The following WWP1 variants were observed in gnomAD, a reference collection of about 807,000 sequenced individuals.
WWP1 encodes WW domain containing E3 ubiquitin protein ligase 1, also known as NEDD4-like E3 ubiquitin-protein ligase WWP1.
WWP1 carries 49 observed loss-of-function variants against 130.6 expected under a neutral mutation model. The observed-to-expected ratio is 0.38, with a 90% CI of 0.30 to 0.48. The LOEUF (loss-of-function observed/expected upper bound fraction) is 0.48. Ranked by LOEUF, WWP1 falls within the 20% of genes least tolerant of loss-of-function variation. WWP1 has a pLI of 0.99. For missense variants in WWP1, 809 were observed against 1,100.6 expected, an observed-to-expected ratio of 0.74 and a Z score of 3.75; for synonymous variants, 332 against 367.8, an observed-to-expected ratio of 0.90 and a Z score of 1.11.
intron 16 of WWP1, 35 bp downstream of exon 16, chr8:86,435,739 G>A: frequency 6.3e-7 from 1 of 1,597,460 alleles, no homozygotes; most frequent in East Asian, 2.2e-5. Context: ...AACACCATTT[G>A]TCTCATTGTA....
chr8:86,427,622 A>G, intron 10 of WWP1, 21 bp from the exon 11 acceptor site: 1 of 1,573,730 alleles, frequency 6.4e-7, no homozygotes, highest in Non-Finnish European at 8.6e-7. Flanking sequence ...ATTATTGTTT[A>G]TTATTGTTTA....
Position 86,430,829 on chromosome 8 carries a change from A to ATATATAAATATATG in WWP1, c.1387+81_1387+82insATAAATATATGTAT, listed in dbSNP as rs1281641543. On this transcript the variant is annotated intron_variant, in intron 12 of 24. Transcript: ENST00000517970. ...TATATATATATATATATATATATATATATGTTCCTTATTTTATATATATAT... is the reference window on the plus strand; with the variant it reads ...TATATATATATATATATATATATATATATATAAATATATGTATGTTCCTTATTTTATATATATAT... 5.6e-6 allele frequency: 3 copies of ATATATAAATATATG among 534,146 alleles called. 1 individual carries two copies. The African/African-American group carries it at 7.0e-5, about 12-fold the overall frequency. 33.1% of individuals were successfully genotyped at this position (534,146 alleles called of 1,614,324 possible).
At chr8:86,399,548 G>A (rs1051171395) in intron 7 of WWP1, among the ~76,000 whole-genome samples, 4 of 152,120 alleles carry the variant, frequency 2.6e-5, no homozygotes, top group Admixed American at 2.0e-4. Flanking sequence ...TACTAGTATC[G>A]TTTCTTCTAA....
In WWP1 at chr8:86,398,489, C is replaced by T; in HGVS notation, c.472+10C>T. On this transcript the variant is annotated intron_variant, in intron 6 of 24. Transcript: ENST00000517970. Reference sequence around the variant, plus strand: ...AGCTCATCTCCAACCAGTAAGCTAACTTTATATGTTTGTAAAATTTCAAGG... The same window carrying T: ...AGCTCATCTCCAACCAGTAAGCTAATTTTATATGTTTGTAAAATTTCAAGG... 6.2e-7 allele frequency: 1 copy of T among 1,610,056 alleles called. No individual in the cohort carries two copies. The highest frequency in any genetic ancestry group is 8.5e-7 in the Non-Finnish European group (1 of 1,178,662).
At chr8:86,408,127 A>G (rs1054190692) in intron 8 of WWP1, among the ~76,000 whole-genome samples, 2 of 152,148 alleles carry the variant, frequency 1.3e-5, no homozygotes, top group South Asian at 2.1e-4. Context: ...AGGATGCTAC[A>G]TAGTTGGAGT....
chr8:86,431,156 AATAT>A (rs1324074733), intron 12 of WWP1, among the ~76,000 whole-genome samples: 4 of 109,554 alleles, frequency 3.7e-5, no homozygotes, highest in South Asian at 5.9e-4. Context: ...TATATTATAG[AATAT>A]ATATTATATT....
intron 20 of WWP1, among the ~76,000 whole-genome samples, chr8:86,448,806 A>G (rs962586848): frequency 1.3e-5 from 2 of 151,988 alleles, no homozygotes; most frequent in Non-Finnish European, 2.9e-5. Context: ...CCATGATCCT[A>G]TGTCATACTG....
chr8:86,426,156 C>T lies in WWP1; in HGVS notation c.1157+838C>T, dbSNP rs112076352. Among the ~76,000 whole-genome samples, 352 of 152,206 alleles carry T rather than the reference C, an allele frequency of 2.3e-3. 5 individuals carry two copies. Among genetic ancestry groups the T allele is most frequent in the African/African-American group, 7.9e-3 (330 of 41,530 alleles). On this transcript the variant is annotated intron_variant, in intron 10 of 24. Coordinates refer to ENST00000517970, the MANE Select transcript of WWP1 (RefSeq NM_007013.4). ...GAGAACGTATTGGAAAACATGGTGC[C>T]GATATTGCAATATAGCAAACCATGA...
chr8:86,456,167 C>G (rs1379786792), intron 21 of WWP1, among the ~76,000 whole-genome samples: 1 of 151,774 alleles, frequency 6.6e-6, no homozygotes, highest in Admixed American at 6.6e-5. Flanking sequence ...AATTATAAGC[C>G]TGAATGTGAA....
chr8:86,381,106 A>T (rs546748717), intron 4 of WWP1, among the ~76,000 whole-genome samples: 1 of 152,220 alleles, frequency 6.6e-6, no homozygotes, highest in Non-Finnish European at 1.5e-5. Flanking sequence ...TTGGTACAGA[A>T]ATAAATAGGA....
At chr8:86,387,299 A>C (rs1825337639) in intron 5 of WWP1, among the ~76,000 whole-genome samples, 1 of 152,126 alleles carries the variant, frequency 6.6e-6, no homozygotes, top group Non-Finnish European at 1.5e-5. Flanking sequence ...GAACCACTTA[A>C]AGGATAAAAT....
rs1209101594 is a variant in WWP1, at chr8:86,440,614, A to G, written c.1838+1941A>G. 3 of 440,160 alleles carry G rather than the reference A, an allele frequency of 6.8e-6. No homozygotes were observed. In the Admixed American group the frequency reaches 7.8e-5, roughly 11 times the overall value. The allele number at this position is 440,160 out of a possible 1,614,324, so 27.3% of individuals were successfully genotyped here. The stretch of plus-strand genomic sequence containing the variant: ...ATAATTTCACTGTTGATTGTTTTGT[A>G]TCTTTTTTTAGGAATATATTAAGAT... On this transcript the variant is annotated intron_variant, in intron 17 of 24. Coordinates refer to ENST00000517970, the MANE Select transcript of WWP1 (RefSeq NM_007013.4).
chr8:86,404,725 C>T (rs2953527), intron 8 of WWP1, among the ~76,000 whole-genome samples: 151,825 of 152,330 alleles, frequency 1, 75,663 homozygotes, highest in Middle Eastern at 1. Context: ...ACAGTAACTC[C>T]TTGAAATAGG....
intron 1 of WWP1, among the ~76,000 whole-genome samples, chr8:86,355,915 A>G (rs1268833593): frequency 1.3e-5 from 2 of 152,216 alleles, no homozygotes; most frequent in African/African-American, 4.8e-5. Context: ...GTATGTAGTG[A>G]AAAGAGCATT....
chr8:86,357,956 G>A (rs190571822), intron 1 of WWP1, among the ~76,000 whole-genome samples: 23 of 152,230 alleles, frequency 1.5e-4, no homozygotes, highest in African/African-American at 4.1e-4. Context: ...CAATGTTTCT[G>A]TGGGAAAATT....
chr8:86,370,846 A>G lies in WWP1; in HGVS notation c.-22+1815A>G, dbSNP rs555280379. On this transcript the variant is annotated intron_variant, in intron 2 of 24. Coordinates refer to ENST00000517970, the MANE Select transcript of WWP1 (RefSeq NM_007013.4). ...TATATTCATGGTATTGCTTATAGCT[A>G]TATTCATTCTTTTTTTTTTTTTTTT... Among the ~76,000 whole-genome samples, 3 of 113,686 alleles carry G rather than the reference A, an allele frequency of 2.6e-5. No individual in the cohort carries two copies. The South Asian group carries it at 7.9e-4, about 30-fold the overall frequency. The allele number at this position is 113,686 out of a possible 152,430, so 74.6% of individuals were successfully genotyped here.
intron 9 of WWP1, among the ~76,000 whole-genome samples, chr8:86,417,651 G>A (rs1200681998): frequency 5.9e-5 from 9 of 152,080 alleles, no homozygotes; most frequent in Non-Finnish European, 1.2e-4. Flanking sequence ...AACAGAAAAG[G>A]GCTTCATAGC....
chr8:86,450,266 T>C (rs1811104788), intron 20 of WWP1, among the ~76,000 whole-genome samples: 1 of 152,214 alleles, frequency 6.6e-6, no homozygotes, highest in Non-Finnish European at 1.5e-5. Flanking sequence ...TGAGAGAAGT[T>C]ACCAATAACT....
chr8:86,468,124 T>A lies in WWP1; in HGVS notation c.*1231T>A, dbSNP rs1312163588. The A allele has an allele frequency of 5.6e-6, 1 of 178,966 alleles. No individual in the cohort carries two copies. The highest frequency in any genetic ancestry group is 1.2e-5 in the Non-Finnish European group (1 of 84,598). 11.1% of individuals were successfully genotyped at this position (178,966 alleles called of 1,614,324 possible). A position where few individuals can be genotyped will look rare whatever the true frequency, so the allele number is the denominator to read the frequency against. ...AAACTGGGCTTCCTAATACAAAATT[T>A]TAAATTTCCATTTGTATCATGCTTT... On this transcript the variant is annotated 3_prime_UTR_variant, in exon 25 of 25. Transcript: ENST00000517970.
Sources: allele counts gnomAD v4.1 joint callset (sites outside exome capture counted in the v4.1 genomes callset), GRCh38; gene constraint gnomAD v4.1.1; transcripts MANE v1.5; gene names NCBI Gene and HGNC (gene_info 2026-07-23, HGNC 2026-07-21).